ADAMTSL1: variants seen among roughly 807,000 people sequenced by gnomAD.
ADAMTSL1 encodes the protein ADAMTS-like protein 1.
A neutral mutation model predicts 201.8 loss-of-function variants in ADAMTSL1; 126 were observed. That is an observed-to-expected ratio of 0.62 (90% confidence interval 0.54 to 0.72). ADAMTSL1 has a LOEUF of 0.72. Among genes scored for constraint, ADAMTSL1 ranks in the 30% least tolerant of loss-of-function variants. The pLI is 0.00. For missense variants in ADAMTSL1, 2,679 were observed against 2,277.8 expected, an observed-to-expected ratio of 1.18 and a Z score of -3.59; for synonymous variants, 1,121 against 903.4, an observed-to-expected ratio of 1.24 and a Z score of -4.32.
In ADAMTSL1 at chr9:18,530,528, A is replaced by G. The variant is rs73644233; in HGVS notation, c.192-2719A>G. 4.7e-3 allele frequency among the ~76,000 whole-genome samples: 721 copies of G among 152,278 alleles called. 7 individuals are homozygous for G. Among genetic ancestry groups the G allele is most frequent in the African/African-American group, 0.017 (694 of 41,552 alleles). On this transcript the variant is annotated intron_variant, in intron 2 of 28. Coordinates refer to ENST00000380548, the MANE Select transcript of ADAMTSL1 (RefSeq NM_001040272.6). ...TCACTCACCTACTGCAATTCCCCAC[A>G]TAAACCCTAAATCCCCCGAAAACCA...
intron 14 of ADAMTSL1, among the ~76,000 whole-genome samples, chr9:18,713,331 CAG>C (rs762180551): frequency 8.3e-4 from 126 of 152,308 alleles, no homozygotes; most frequent in Non-Finnish European, 1.4e-3. Flanking sequence ...CAAGACCCAT[CAG>C]TGTGCAGTAT....
At chr9:18,467,141 C>T (rs570372474) in intron 2 of ADAMTSL1, among the ~76,000 whole-genome samples, 1 of 152,220 alleles carries the variant, frequency 6.6e-6, no homozygotes, top group East Asian at 1.9e-4. Context: ...TATTTGCTTT[C>T]ACAGAATTTA....
chr9:17,979,236 C>T (rs1188745961), intron 1 of ADAMTSL1, among the ~76,000 whole-genome samples: 1 of 152,046 alleles, frequency 6.6e-6, no homozygotes, highest in Non-Finnish European at 1.5e-5. Context: ...AGTTTCCAGT[C>T]ATTATTTCTT....
intron 1 of ADAMTSL1, among the ~76,000 whole-genome samples, chr9:18,032,465 C>T (rs1456450668): frequency 2.6e-5 from 4 of 152,162 alleles, no homozygotes; most frequent in African/African-American, 9.7e-5. Context: ...GAGCTGTGTA[C>T]ACCCTCCTGC....
At position 18,080,564 on chromosome 9, in the gene ADAMTSL1, G is replaced by A. The variant is rs140471580; in HGVS notation, c.88-83298G>A. Among the ~76,000 whole-genome samples, 1,316 of 152,298 alleles carry A rather than the reference G, an allele frequency of 8.6e-3. 29 individuals carry two copies. The highest frequency in any genetic ancestry group is 0.03 in the African/African-American group (1,238 of 41,564). On this transcript the variant is annotated intron_variant, in intron 1 of 29. Transcript: ENST00000680146. ...TGTCTCTACAAAAAACTGGCTCTGC[G>A]ATCTGGGATAAGTCACTTAGCCCTG...
At chr9:18,444,449 A>G (rs996702664) in intron 2 of ADAMTSL1, among the ~76,000 whole-genome samples, 1 of 152,184 alleles carries the variant, frequency 6.6e-6, no homozygotes, top group South Asian at 2.1e-4. Context: ...TGGTTCTCCA[A>G]TGTTGACTTA....
chr9:18,863,040 C>A (rs1827306326), intron 23 of ADAMTSL1, among the ~76,000 whole-genome samples: 2 of 152,164 alleles, frequency 1.3e-5, no homozygotes, highest in Admixed American at 1.3e-4. Flanking sequence ...AGCCTGCCTG[C>A]CTGCTACCCC....
At chr9:18,905,932 C>A in intron 27 of ADAMTSL1, 41 bp downstream of exon 27, 1 of 1,496,132 alleles carries the variant, frequency 6.7e-7, no homozygotes, top group South Asian at 1.2e-5. Flanking sequence ...AGCCCCATGT[C>A]AACAGCACGG....
At chr9:18,838,360 TACAC>T (rs775337751) in intron 23 of ADAMTSL1, among the ~76,000 whole-genome samples, 8,383 of 86,652 alleles carry the variant, frequency 0.097, 305 homozygotes, top group East Asian at 0.26. Context: ...CAAACCATAT[TACAC>T]ACACACACAC....
chr9:18,805,627 T>C (rs1823063027), intron 20 of ADAMTSL1, among the ~76,000 whole-genome samples: 1 of 152,216 alleles, frequency 6.6e-6, no homozygotes, highest in African/African-American at 2.4e-5. Flanking sequence ...TTAGCTATAC[T>C]ATGCAGAGAT....
chr9:18,108,037 G>A (rs944632882), intron 1 of ADAMTSL1, among the ~76,000 whole-genome samples: 1 of 152,078 alleles, frequency 6.6e-6, no homozygotes, highest in African/African-American at 2.4e-5. Context: ...ATTTTTGAAA[G>A]TAGGTCTTTA....
At chr9:18,097,610 A>G (rs1158145579) in intron 1 of ADAMTSL1, among the ~76,000 whole-genome samples, 1 of 152,126 alleles carries the variant, frequency 6.6e-6, no homozygotes, top group Non-Finnish European at 1.5e-5. Flanking sequence ...TCATCAATCT[A>G]ATGCATGTGT....
At chr9:18,378,478 A>G (rs979096540) in intron 2 of ADAMTSL1, among the ~76,000 whole-genome samples, 4 of 152,224 alleles carry the variant, frequency 2.6e-5, no homozygotes, top group Admixed American at 2.0e-4. Context: ...AAGATGAGAT[A>G]TATCAACTTA....
At chr9:18,774,583 C>G (rs1820873343) in intron 17 of ADAMTSL1, among the ~76,000 whole-genome samples, 1 of 151,976 alleles carries the variant, frequency 6.6e-6, no homozygotes, top group African/African-American at 2.4e-5. Flanking sequence ...TACTTGTCTT[C>G]TAATTGTATG....
intron 1 of ADAMTSL1, among the ~76,000 whole-genome samples, chr9:18,113,532 A>T (rs1040972821): frequency 6.6e-6 from 1 of 152,116 alleles, no homozygotes; most frequent in Non-Finnish European, 1.5e-5. Flanking sequence ...GAAAGAAAAA[A>T]GCATTACGAG....
intron 2 of ADAMTSL1, among the ~76,000 whole-genome samples, chr9:18,316,886 G>A (rs376471157): frequency 1.6e-4 from 24 of 152,184 alleles, no homozygotes; most frequent in Middle Eastern, 3.4e-3. Context: ...CTGACTTCCC[G>A]CAAGGAAGAT....
chr9:18,900,013 A>C (rs140849886), intron 26 of ADAMTSL1, among the ~76,000 whole-genome samples: 3,857 of 152,318 alleles, frequency 0.025, 139 homozygotes, highest in African/African-American at 0.076. Flanking sequence ...AACCTACAGA[A>C]TAGGAGAAAA....
chr9:17,975,210 AT>A (rs943339508), intron 1 of ADAMTSL1, among the ~76,000 whole-genome samples: 3 of 147,772 alleles, frequency 2.0e-5, no homozygotes, highest in African/African-American at 5.0e-5. Context: ...TAATTGGGTC[AT>A]TTTTTTTTCT....
intron 5 of ADAMTSL1, among the ~76,000 whole-genome samples, chr9:18,628,117 ATTTTTTTTCTT>A (rs1826512330): frequency 6.6e-6 from 1 of 151,930 alleles, no homozygotes; most frequent in African/African-American, 2.4e-5. Context: ...CCACGCTATC[ATTTTTTTTCTT>A]TTACGGCTCA....
Sources: gnomAD v4.1 joint callset for allele counts (sites outside exome capture counted in the v4.1 genomes callset) on GRCh38, gnomAD v4.1.1 for gene constraint, MANE v1.5 for transcripts, NCBI Gene and HGNC (gene_info 2026-07-23, HGNC 2026-07-21) for gene names.